Variants in ASPH observed in about 807,000 individuals in gnomAD.
ASPH encodes aspartyl/asparaginyl beta-hydroxylase.
A neutral mutation model predicts 118.4 loss-of-function variants in ASPH; 100 were observed. That is an observed-to-expected ratio of 0.84 (90% CI 0.72 to 1.00). ASPH has a LOEUF of 1.00. ASPH is among the 50% of genes least tolerant of loss of function. The probability of loss-of-function intolerance (pLI) is 0.00; values close to 1 mark genes in which losing one functional copy is unlikely to be tolerated. For missense variants in ASPH, 920 were observed against 919.5 expected, an observed-to-expected ratio of 1.00 and a Z score of -0.01; for synonymous variants, 315 against 325.6, an observed-to-expected ratio of 0.97 and a Z score of 0.35.
At chr8:61,519,350 C>T (rs910763739) in intron 22 of ASPH, among the ~76,000 whole-genome samples, 2 of 152,094 alleles carry the variant, frequency 1.3e-5, no homozygotes, top group African/African-American at 4.8e-5. Context: ...GGTTCATCTG[C>T]AAATTTTTTT....
intron 14 of ASPH, among the ~76,000 whole-genome samples, chr8:61,602,804 C>A (rs1844425814): frequency 6.6e-6 from 1 of 151,824 alleles, no homozygotes; most frequent in African/African-American, 2.4e-5. Flanking sequence ...AAACTGTATG[C>A]TTTAGGTGAA....
chr8:61,578,271 C>T (rs569053842), intron 15 of ASPH: 161 of 1,585,508 alleles, frequency 1.0e-4, no homozygotes, highest in African/African-American at 2.3e-4. Context: ...CTCTGGCCCC[C>T]GGGCCTTCAG....
At chr8:61,527,781 C>T (rs1816002639) in intron 21 of ASPH, among the ~76,000 whole-genome samples, 1 of 151,864 alleles carries the variant, frequency 6.6e-6, no homozygotes, top group South Asian at 2.1e-4. Context: ...GCCTTTCAGC[C>T]CCAGATCACC....
chr8:61,675,107 T>C (rs1162717298), intron 3 of ASPH, among the ~76,000 whole-genome samples: 1 of 152,208 alleles, frequency 6.6e-6, no homozygotes, highest in Non-Finnish European at 1.5e-5. Flanking sequence ...TTGATTCAAA[T>C]ATGTTTTTAA....
intron 21 of ASPH, among the ~76,000 whole-genome samples, chr8:61,538,093 G>A (rs1352071590): frequency 6.6e-5 from 10 of 152,144 alleles, no homozygotes; most frequent in African/African-American, 2.4e-4. Flanking sequence ...CGTCACGGGA[G>A]AAGAGGAGCT....
chr8:61,692,976 T>C (rs1210649885), intron 1 of ASPH, among the ~76,000 whole-genome samples: 3 of 151,128 alleles, frequency 2.0e-5, no homozygotes, highest in Non-Finnish European at 4.4e-5. Context: ...AAGAAAACGA[T>C]GACATCAACA....
intron 3 of ASPH, among the ~76,000 whole-genome samples, chr8:61,669,467 T>G (rs1821337586): frequency 6.6e-6 from 1 of 152,232 alleles, no homozygotes; most frequent in African/African-American, 2.4e-5. Context: ...TAACCAGTAC[T>G]TATTCCCATG....
intron 14 of ASPH, among the ~76,000 whole-genome samples, chr8:61,617,697 G>A (rs533465462): frequency 2.6e-5 from 4 of 152,060 alleles, no homozygotes; most frequent in Non-Finnish European, 4.4e-5. Context: ...TTGGGAGGCC[G>A]AGGTGGGAGG....
chr8:61,678,090 C>T lies in ASPH; in HGVS notation c.322+2878G>A, dbSNP rs140106251. Among the ~76,000 whole-genome samples the T allele has an allele frequency of 1.3e-4, 20 of 152,204 alleles. No individual in the cohort carries two copies. In the East Asian group the frequency reaches 2.7e-3, roughly 21 times the overall value. ...CTGGTCTTCTCCTCCCATCAGCTCA[C>T]TCATGCATCTATCAGTCTACAAATG... On this transcript the variant is annotated intron_variant, in intron 3 of 24. Transcript: ENST00000379454.
chr8:61,569,998 G>C (rs995333407), intron 16 of ASPH, among the ~76,000 whole-genome samples: 3 of 152,122 alleles, frequency 2.0e-5, no homozygotes, highest in Admixed American at 2.0e-4. Flanking sequence ...GCAAAACACA[G>C]AGTTCTAGAC....
intron 16 of ASPH, among the ~76,000 whole-genome samples, chr8:61,570,183 T>C (rs1833044820): frequency 6.6e-6 from 1 of 152,190 alleles, no homozygotes; most frequent in African/African-American, 2.4e-5. Context: ...TCAGCCTACA[T>C]TTGTGCAAAA....
Position 61,587,636 on chromosome 8 carries a change from C to T in ASPH, c.977-3607G>A, listed in dbSNP as rs148086172. Among the ~76,000 whole-genome samples, 549 of 152,258 alleles carry T rather than the reference C, an allele frequency of 3.6e-3. 6 individuals carry two copies. Among genetic ancestry groups the T allele is most frequent in the African/African-American group, 0.013 (526 of 41,552 alleles). Reference sequence around the variant, plus strand: ...TGAGCAATGCTGTATCTTAGTGTCACGATATTTCAATAACAGCACTAAAAT... The same window carrying T: ...TGAGCAATGCTGTATCTTAGTGTCATGATATTTCAATAACAGCACTAAAAT... On this transcript the variant is annotated intron_variant, in intron 14 of 24. Transcript: ENST00000379454.
At chr8:61,621,567 C>T (rs1421519729) in intron 13 of ASPH, among the ~76,000 whole-genome samples, 3 of 152,162 alleles carry the variant, frequency 2.0e-5, no homozygotes, top group Admixed American at 6.5e-5. Flanking sequence ...GACTTGAGCA[C>T]GTATTATATA....
intron 13 of ASPH, among the ~76,000 whole-genome samples, chr8:61,627,255 T>C (rs374234517): frequency 1.3e-5 from 2 of 152,242 alleles, no homozygotes; most frequent in African/African-American, 2.4e-5. Flanking sequence ...GAAATAGTTA[T>C]GAATAAGAGC....
intron 14 of ASPH, among the ~76,000 whole-genome samples, chr8:61,617,406 C>T (rs1849407850): frequency 6.6e-6 from 1 of 152,170 alleles, no homozygotes. Context: ...TGCTGATTTG[C>T]CCCTTCTTGC....
rs574827854 is a variant in ASPH, at chr8:61,532,930, T to TATG, written c.1765-6821_1765-6819dup. 2.5e-4 allele frequency among the ~76,000 whole-genome samples: 38 copies of TATG among 152,294 alleles called. No individual in the cohort carries two copies. In the South Asian group the frequency reaches 6.8e-3, roughly 27 times the overall value. On this transcript the variant is annotated intron_variant, in intron 21 of 24. Coordinates refer to ENST00000379454, the MANE Select transcript of ASPH (RefSeq NM_004318.4). ...TGCTTGCACTATATGCAAGTATAGC[T>TATG]ATGATGATGATGAGGATTTTAAGAC...
chr8:61,526,233 T>A, intron 21 of ASPH, 121 bp from the exon 22 acceptor site: 2 of 1,307,796 alleles, frequency 1.5e-6, no homozygotes, highest in Non-Finnish European at 2.1e-6. Flanking sequence ...TTATCTAGAT[T>A]GCTTATATTT....
At chr8:61,591,834 G>T (rs1157486143) in intron 14 of ASPH, among the ~76,000 whole-genome samples, 1 of 152,152 alleles carries the variant, frequency 6.6e-6, no homozygotes, top group African/African-American at 2.4e-5. Flanking sequence ...TGGCTCAGAA[G>T]TCAAGAAATT....
chr8:61,596,174 C>CA (rs940278593), intron 14 of ASPH, among the ~76,000 whole-genome samples: 1 of 151,994 alleles, frequency 6.6e-6, no homozygotes, highest in African/African-American at 2.4e-5. Flanking sequence ...ACACATGTTC[C>CA]AGGGGCCTAG....
Sources: gnomAD v4.1 joint callset for allele counts (sites outside exome capture counted in the v4.1 genomes callset) on GRCh38, gnomAD v4.1.1 for gene constraint, MANE v1.5 for transcripts, NCBI Gene and HGNC (gene_info 2026-07-23, HGNC 2026-07-21) for gene names.